The following NXPE3 variants were observed in gnomAD, a reference collection of about 807,000 sequenced individuals.
The protein encoded by NXPE3 is neurexophilin and PC-esterase domain family member 3, also known as NXPE family member 3.
A neutral mutation model predicts 46.1 loss-of-function variants in NXPE3; 26 were observed. The ratio of observed to expected loss-of-function variants is 0.56; its 90% CI spans 0.41 to 0.78. The LOEUF is 0.78. Among genes scored for constraint, NXPE3 ranks in the 30% least tolerant of loss-of-function variants. The pLI is 0.00. For missense variants in NXPE3, 620 were observed against 686.0 expected (o/e 0.90, Z 1.07); for synonymous variants, 272 against 257.9 (o/e 1.05, Z -0.52).
chr3:101,807,463 G>T (rs1941471349), intron 6 of NXPE3, among the ~76,000 whole-genome samples: 1 of 151,774 alleles, frequency 6.6e-6, no homozygotes, highest in South Asian at 2.1e-4. Context: ...GGGACTACAG[G>T]CACACACCAC....
intron 5 of NXPE3, 107 bp downstream of exon 5, chr3:101,802,096 C>A: frequency 1.9e-6 from 2 of 1,029,400 alleles, no homozygotes; most frequent in Non-Finnish European, 1.4e-6. Flanking sequence ...ACCTCTCTCT[C>A]AACTTGGCCC....
At chr3:101,788,041 C>G (rs1940294045) in intron 4 of NXPE3, among the ~76,000 whole-genome samples, 1 of 152,176 alleles carries the variant, frequency 6.6e-6, no homozygotes, top group Admixed American at 6.5e-5. Flanking sequence ...TCTTTGCATC[C>G]TCGCCAGCAC....
chr3:101,796,040 T>C (rs1940812547), intron 4 of NXPE3, among the ~76,000 whole-genome samples: 1 of 152,246 alleles, frequency 6.6e-6, no homozygotes, highest in African/African-American at 2.4e-5. Flanking sequence ...GGGGAATTAG[T>C]GGTGCCTGGA....
chr3:101,806,518 C>T (rs939625392), intron 5 of NXPE3, among the ~76,000 whole-genome samples: 11 of 152,108 alleles, frequency 7.2e-5, no homozygotes, highest in African/African-American at 2.7e-4. Flanking sequence ...TCCCCTGCTG[C>T]CTCCCTTGAG....
intron 6 of NXPE3, among the ~76,000 whole-genome samples, chr3:101,808,631 A>G (rs1941539762): frequency 2.0e-5 from 3 of 151,912 alleles, no homozygotes; most frequent in Admixed American, 2.0e-4. Flanking sequence ...TAGAACATTG[A>G]CATCCAATTC....
At chr3:101,802,703 C>T (rs1262034778) in intron 5 of NXPE3, among the ~76,000 whole-genome samples, 3 of 151,744 alleles carry the variant, frequency 2.0e-5, no homozygotes, top group African/African-American at 4.9e-5. Context: ...GAAATTATTG[C>T]AGTATTGTGT....
chr3:101,806,916 T>C, intron 5 of NXPE3, 137 bp from the exon 6 acceptor site: 1 of 667,142 alleles, frequency 1.5e-6, no homozygotes, highest in Non-Finnish European at 2.7e-6. Context: ...TTATTTTGTG[T>C]TGGTTAACAT....
chr3:101,815,328 GT>G (rs1396535322), intron 6 of NXPE3, among the ~76,000 whole-genome samples: 1 of 152,154 alleles, frequency 6.6e-6, no homozygotes, highest in South Asian at 2.1e-4. Flanking sequence ...ATTAAGTGGT[GT>G]TTTTTTGGAA....
chr3:101,811,972 G>A (rs1388704682), intron 6 of NXPE3, among the ~76,000 whole-genome samples: 1 of 152,048 alleles, frequency 6.6e-6, no homozygotes, highest in African/African-American at 2.4e-5. Context: ...GACCTCAAGT[G>A]ATCCGCCTGC....
intron 5 of NXPE3, among the ~76,000 whole-genome samples, chr3:101,803,555 TTTTA>T (rs1249155495): frequency 6.6e-6 from 1 of 152,238 alleles, no homozygotes; most frequent in Non-Finnish European, 1.5e-5. Context: ...GAGCAGATTA[TTTTA>T]TTTCTGTGTA....
rs1942551264 is a variant in NXPE3 at position 101,827,599 on chromosome 3, C to T, written c.*5645C>T. Among the ~76,000 whole-genome samples, 1 of 152,166 alleles carries T rather than the reference C, an allele frequency of 6.6e-6. No individual in the cohort carries two copies. The highest frequency in any genetic ancestry group is 2.4e-5 in the African/African-American group (1 of 41,430). ...TGAGGTGAATCTAATGAGAAGGCAA[C>T]TCTAATGCCCATCAGGAGATTCACT... is the stretch of plus-strand genomic sequence containing the variant. On this transcript the variant is annotated 3_prime_UTR_variant, in exon 8 of 8. Transcript: ENST00000273347.
At chr3:101,820,365 G>T (rs993645219) in intron 7 of NXPE3, among the ~76,000 whole-genome samples, 12 of 152,016 alleles carry the variant, frequency 7.9e-5, no homozygotes, top group African/African-American at 2.7e-4. Context: ...TTATTAAAAA[G>T]CCAAAAAACA....
chr3:101,800,765 A>G (rs995805316), intron 4 of NXPE3, among the ~76,000 whole-genome samples: 3 of 151,346 alleles, frequency 2.0e-5, no homozygotes, highest in Non-Finnish European at 4.4e-5. Context: ...TATCTTTGCT[A>G]ACCTTCCTTG....
chr3:101,820,823 A>G (rs1461178508), intron 7 of NXPE3, among the ~76,000 whole-genome samples: 2 of 152,228 alleles, frequency 1.3e-5, no homozygotes, highest in Non-Finnish European at 2.9e-5. Context: ...GCTAAATGAT[A>G]AGAACTTATG....
chr3:101,795,628 G>T (rs766753631), intron 4 of NXPE3, among the ~76,000 whole-genome samples: 2 of 151,486 alleles, frequency 1.3e-5, no homozygotes, highest in African/African-American at 2.4e-5. Context: ...AACTCTCATT[G>T]AGCAAGTTCT....
At chr3:101,793,249 C>G (rs557721021) in intron 4 of NXPE3, among the ~76,000 whole-genome samples, 2 of 152,220 alleles carry the variant, frequency 1.3e-5, no homozygotes, top group East Asian at 3.9e-4. Context: ...ATTTGGATGC[C>G]CTTTATTTCT....
intron 4 of NXPE3, among the ~76,000 whole-genome samples, chr3:101,790,526 A>G (rs1256801674): frequency 6.6e-6 from 1 of 152,142 alleles, no homozygotes; most frequent in African/African-American, 2.4e-5. Flanking sequence ...ACTCTGTATG[A>G]TATTATATAA....
chr3:101,820,505 A>G (rs1942197524), intron 7 of NXPE3, among the ~76,000 whole-genome samples: 1 of 152,198 alleles, frequency 6.6e-6, no homozygotes, highest in Non-Finnish European at 1.5e-5. Flanking sequence ...CTACCATTCG[A>G]CCCAGCAATC....
intron 6 of NXPE3, among the ~76,000 whole-genome samples, chr3:101,808,021 G>C (rs1364033468): frequency 6.6e-6 from 1 of 152,194 alleles, no homozygotes; most frequent in East Asian, 1.9e-4. Context: ...TCTTCTCAAA[G>C]TGTGGTCTGT....
Sources: allele counts gnomAD v4.1 joint callset (sites outside exome capture counted in the v4.1 genomes callset), GRCh38; gene constraint gnomAD v4.1.1; transcripts MANE v1.5; gene names NCBI Gene and HGNC (gene_info 2026-07-23, HGNC 2026-07-21).